Variants in RNF220 observed in about 807,000 individuals in gnomAD.
RNF220 encodes ring finger protein 220, also known as E3 ubiquitin-protein ligase RNF220.
Under a neutral mutation model 67.1 loss-of-function variants are expected in RNF220, and 7 were observed. The ratio of observed to expected loss-of-function variants is 0.10; its 90% confidence interval spans 0.06 to 0.20. RNF220 has a LOEUF of 0.20. Among genes scored for constraint, RNF220 ranks in the 10% least tolerant of loss-of-function variants. The pLI, the probability that RNF220 is intolerant of heterozygous loss-of-function variation, is 1.00. For missense variants in RNF220, 565 were observed against 740.3 expected (o/e 0.76, Z 2.75); for synonymous variants, 270 against 283.2 (o/e 0.95, Z 0.47).
chr1:44,422,906 G>C (rs1323353878), intron 2 of RNF220, among the ~76,000 whole-genome samples: 1 of 152,184 alleles, frequency 6.6e-6, no homozygotes, highest in Non-Finnish European at 1.5e-5. Flanking sequence ...ACATGACTCA[G>C]TTGCCATATC....
chr1:44,450,156 C>T (rs538067735), intron 2 of RNF220, among the ~76,000 whole-genome samples: 14 of 152,240 alleles, frequency 9.2e-5, no homozygotes, highest in African/African-American at 3.4e-4. Flanking sequence ...TTGCAGTGAG[C>T]CGAGATTGCG....
At chr1:44,527,923 CCCAAAAA>C (rs1478058909) in intron 2 of RNF220, among the ~76,000 whole-genome samples, 195 of 7,392 alleles carry the variant, frequency 0.026, 12 homozygotes, top group East Asian at 0.071. Context: ...AAGACTCCAT[CCCAAAAA>C]AAAAAAAAAA....
chr1:44,502,052 A>AACACAC (rs56978327), intron 2 of RNF220, among the ~76,000 whole-genome samples: 1,236 of 121,796 alleles, frequency 0.01, 13 homozygotes, highest in African/African-American at 0.021. Flanking sequence ...ACACCACTGA[A>AACACAC]ACACACACAC....
chr1:44,416,129 C>T (rs993630047), intron 2 of RNF220, among the ~76,000 whole-genome samples: 2 of 152,218 alleles, frequency 1.3e-5, no homozygotes, highest in Non-Finnish European at 2.9e-5. Flanking sequence ...AGCCTTTACT[C>T]TGCAGGACTG....
chr1:44,614,223 G>A lies in RNF220; in HGVS notation c.684G>A (p.Gln228=), dbSNP rs889432817. The A allele has an allele frequency of 1.2e-6, 2 of 1,614,174 alleles. No homozygotes were observed. Among genetic ancestry groups the A allele is most frequent in the Non-Finnish European group, 1.7e-6 (2 of 1,180,004 alleles). ...DSQAPICPIC[Q]VLLRPSELQE... ...AGGCCCCAATTTGCCCCATCTGCCA[G>A]GTCCTGCTGAGGCCCAGTGAGCTGC... The change falls in exon 3 of 15, where the codon CAG becomes CAA. Residue 228 remains glutamine, a synonymous_variant. Transcript: ENST00000361799.
chr1:44,569,095 C>T (rs1664247234), intron 2 of RNF220, among the ~76,000 whole-genome samples: 1 of 152,180 alleles, frequency 6.6e-6, no homozygotes, highest in South Asian at 2.1e-4. Flanking sequence ...ACAAACACTT[C>T]ACTTGCGGGC....
intron 2 of RNF220, among the ~76,000 whole-genome samples, chr1:44,428,587 C>G (rs1051703812): frequency 2.0e-5 from 3 of 152,176 alleles, no homozygotes; most frequent in African/African-American, 7.2e-5. Context: ...TGCTTTCGCT[C>G]CCACTCCACT....
intron 1 of RNF220, among the ~76,000 whole-genome samples, chr1:44,409,280 C>T (rs1052080310): frequency 6.6e-6 from 1 of 152,202 alleles, no homozygotes; most frequent in African/African-American, 2.4e-5. Context: ...TTTGTTGGTC[C>T]CTCCGTCCAA....
intron 2 of RNF220, among the ~76,000 whole-genome samples, chr1:44,516,517 T>A (rs1659461524): frequency 6.6e-6 from 1 of 152,190 alleles, no homozygotes; most frequent in African/African-American, 2.4e-5. Flanking sequence ...TTCCTTAATA[T>A]GTTTAGCAGC....
At chr1:44,545,015 A>T (rs1457278951) in intron 2 of RNF220, among the ~76,000 whole-genome samples, 1 of 152,384 alleles carries the variant, frequency 6.6e-6, no homozygotes, top group Admixed American at 6.5e-5. Flanking sequence ...AGACCCTGGG[A>T]ATAGAGCCAC....
At chr1:44,644,580 C>T in intron 8 of RNF220, 118 bp from the exon 9 acceptor site, 1 of 709,360 alleles carries the variant, frequency 1.4e-6, no homozygotes, top group South Asian at 1.7e-5. Context: ...CATCCCAGGC[C>T]CAGGTTTCCC....
intron 2 of RNF220, among the ~76,000 whole-genome samples, chr1:44,461,589 A>C (rs1306704267): frequency 6.6e-6 from 1 of 152,062 alleles, no homozygotes; most frequent in Non-Finnish European, 1.5e-5. Flanking sequence ...TTCTGTGTAG[A>C]GTTAACTTAC....
At chr1:44,570,434 A>G (rs755229960) in intron 2 of RNF220, among the ~76,000 whole-genome samples, 12 of 152,214 alleles carry the variant, frequency 7.9e-5, no homozygotes, top group Non-Finnish European at 1.2e-4. Context: ...TTTGGCGCTG[A>G]ATGTCCACCA....
At chr1:44,418,725 G>A (rs1188471831) in intron 2 of RNF220, among the ~76,000 whole-genome samples, 1 of 151,962 alleles carries the variant, frequency 6.6e-6, no homozygotes, top group Non-Finnish European at 1.5e-5. Flanking sequence ...AGGCAGGGAA[G>A]AGGAAACTGA....
intron 5 of RNF220, among the ~76,000 whole-genome samples, chr1:44,629,209 T>C (rs1229631709): frequency 6.6e-6 from 1 of 152,254 alleles, no homozygotes; most frequent in Admixed American, 6.5e-5. Flanking sequence ...GCAAGGCCTG[T>C]TGAGGCCTAG....
rs564001884 is a variant in RNF220 at position 44,606,104 on chromosome 1, A to G, written c.626-8061A>G. On this transcript the variant is annotated intron_variant, in intron 2 of 14. Transcript: ENST00000361799. This position sits in a 1 kb window ranked among gnomAD's most constrained non-coding sequence, Gnocchi z 4.2. ...GCAAACTGATTCATCATACATTCAAATCCGCTGCCCCGCCCCAGCGGGAGG... is the reference window on the plus strand; with the variant it reads ...GCAAACTGATTCATCATACATTCAAGTCCGCTGCCCCGCCCCAGCGGGAGG... 7.2e-5 allele frequency among the ~76,000 whole-genome samples: 11 copies of G among 152,364 alleles called. 1 individual carries two copies. In the South Asian group the frequency reaches 1.0e-3, roughly 14 times the overall value.
At chr1:44,628,064 C>T (rs578007909) in intron 5 of RNF220, among the ~76,000 whole-genome samples, 8 of 152,248 alleles carry the variant, frequency 5.3e-5, no homozygotes, top group South Asian at 2.1e-4. Context: ...GACACTGCCC[C>T]GATCCAGACA....
chr1:44,622,642 G>A lies in RNF220; in HGVS notation c.759-100G>A. 4 of 1,070,766 alleles carry A rather than the reference G, an allele frequency of 3.7e-6. No individual in the cohort carries two copies. The South Asian group carries it at 5.2e-5, about 14-fold the overall frequency. 66.3% of individuals were successfully genotyped at this position (1,070,766 alleles called of 1,614,324 possible). On this transcript the variant is annotated intron_variant, in intron 3 of 14. Coordinates refer to ENST00000361799, the MANE Select transcript of RNF220 (RefSeq NM_018150.4). The surrounding 1 kb of genome is among the most constrained non-coding windows in gnomAD (Gnocchi z 4.3). ...TGGCTGAGCTGGGCTGGGCTAGGCGGTCTATGCCTTCTCTGTCTTTGGGGT... is the reference window on the plus strand; with the variant it reads ...TGGCTGAGCTGGGCTGGGCTAGGCGATCTATGCCTTCTCTGTCTTTGGGGT...
chr1:44,605,003 A>T (rs1399529645), intron 2 of RNF220, among the ~76,000 whole-genome samples: 1 of 152,198 alleles, frequency 6.6e-6, no homozygotes, highest in East Asian at 1.9e-4. Flanking sequence ...AGAGGAACAG[A>T]TAAAAGCATA....
Sources: gnomAD v4.1 joint callset for allele counts (sites outside exome capture counted in the v4.1 genomes callset) on GRCh38, gnomAD v4.1.1 for gene constraint, Gnocchi (gnomAD v3.1) non-coding constraint, MANE v1.5 for transcripts, NCBI Gene and HGNC (gene_info 2026-07-23, HGNC 2026-07-21) for gene names.